Variants in UPF3B observed in about 807,000 individuals in gnomAD.
UPF3B encodes the protein UPF3B regulator of nonsense mediated mRNA decay.
Under a neutral mutation model 40.3 loss-of-function variants are expected in UPF3B, and 7 were observed. The ratio of observed to expected loss-of-function variants is 0.17; its 90% confidence interval spans 0.10 to 0.33. The LOEUF (loss-of-function observed/expected upper bound fraction) is 0.33. Ranked by LOEUF, UPF3B falls within the 10% of genes least tolerant of loss-of-function variation. UPF3B has a pLI of 1.00. For missense variants in UPF3B, 229 were observed against 358.9 expected, an observed-to-expected ratio of 0.64 and a Z score of 2.93; for synonymous variants, 117 against 117.3, an observed-to-expected ratio of 1.00 and a Z score of 0.01.
intron 5 of UPF3B, among the ~76,000 whole-genome samples, chrX:119,842,442 G>C (rs773929596): frequency 2.7e-5 from 3 of 109,719 alleles, no homozygotes; most frequent in African/African-American, 6.6e-5. Context: ...AATTGGCCGG[G>C]CGTGGTGGCG....
intron 5 of UPF3B, among the ~76,000 whole-genome samples, chrX:119,810,435 G>A (rs754799516): frequency 1.8e-5 from 2 of 112,187 alleles, no homozygotes; most frequent in East Asian, 2.8e-4. Context: ...AAGTACAATC[G>A]AAGTAATGGC....
rs1357741117 is a variant in UPF3B at position 119,805,589 on chromosome X, C to T, written c.*12-154G>A. ...GAGAAAATTTTCGCAACCTACTCATCTGACGAAGGGCTAATATCCAGAATC... is the reference window on the plus strand; with the variant it reads ...GAGAAAATTTTCGCAACCTACTCATTTGACGAAGGGCTAATATCCAGAATC... On this transcript the variant is annotated intron_variant, in intron 6 of 6. Coordinates refer to the UPF3B transcript ENST00000636792. Among the ~76,000 whole-genome samples the T allele has an allele frequency of 3.6e-5, 4 of 111,998 alleles. No homozygotes were observed. The East Asian group carries it at 1.1e-3, about 31-fold the overall frequency.
In UPF3B at chrX:119,807,870, C is replaced by T. The variant is rs192955403; in HGVS notation, c.603-289G>A. ...GTGCAAGTGGCACAATTGCAGCTCA[C>T]TGCAGCCTCGACATTCCAGACTCAA... On this transcript the variant is annotated intron_variant, in intron 5 of 6. Coordinates refer to the UPF3B transcript ENST00000636792. Among the ~76,000 whole-genome samples, 225 of 111,743 alleles carry T rather than the reference C, an allele frequency of 2.0e-3. 3 individuals carry two copies. The highest frequency in any genetic ancestry group is 6.7e-3 in the African/African-American group (207 of 30,817).
chrX:119,821,275 A>C (rs2055915975), intron 4 of UPF3B, among the ~76,000 whole-genome samples: 2 of 112,223 alleles, frequency 1.8e-5, no homozygotes, highest in South Asian at 7.3e-4. Flanking sequence ...CCATGCTTGT[A>C]CAGCCTGCAG....
Position 119,820,626 on chromosome X carries a change from A to ATTTTTTT in UPF3B, c.494+2309_494+2315dup, listed in dbSNP as rs370271993. ...AGGTGCGCTCCACCAAGCCTGGCCAATTTTTTTTTTTTTGTATTTTTTGGT... is the reference window on the plus strand; with the variant it reads ...AGGTGCGCTCCACCAAGCCTGGCCAATTTTTTTTTTTTTTTTTTTTGTATTTTTTGGT... On this transcript the variant is annotated intron_variant, in intron 4 of 6. Transcript: ENST00000636792. 5.6e-3 allele frequency among the ~76,000 whole-genome samples: 508 copies of ATTTTTTT among 90,142 alleles called. 7 individuals carry two copies. The highest frequency in any genetic ancestry group is 0.02 in the African/African-American group (474 of 23,226). The allele number at this position is 90,142 out of a possible 115,157, so 78.3% of individuals were successfully genotyped here. A position where few individuals can be genotyped will look rare whatever the true frequency, so the allele number is the denominator to read the frequency against.
At chrX:119,843,109 A>G in intron 5 of UPF3B, 82 bp downstream of exon 5, 1 of 670,464 alleles carries the variant, frequency 1.5e-6, no homozygotes, top group Non-Finnish European at 2.5e-6. Flanking sequence ...CCCTGAAGTC[A>G]CACAGCTAGC....
chrX:119,824,286 T>C (rs2055956254), intron 3 of UPF3B, among the ~76,000 whole-genome samples: 1 of 98,138 alleles, frequency 1.0e-5, no homozygotes, highest in Admixed American at 1.1e-4. Flanking sequence ...TTGCCAATAT[T>C]GAACCATGAG....
intron 8 of UPF3B, among the ~76,000 whole-genome samples, chrX:119,838,988 G>A (rs1357704053): frequency 9.0e-6 from 1 of 111,231 alleles, no homozygotes; most frequent in Non-Finnish European, 1.9e-5. Flanking sequence ...TGTCACCCAG[G>A]CTGTTCTCAA....
At chrX:119,812,339 G>A (rs1010605686) in intron 5 of UPF3B, among the ~76,000 whole-genome samples, 1 of 111,833 alleles carries the variant, frequency 8.9e-6, no homozygotes, top group Admixed American at 9.6e-5. Context: ...TCAGGAGAAT[G>A]TGAAGGAGGC....
chrX:119,841,854 C>T, intron 5 of UPF3B, 76 bp from the exon 6 acceptor site: 1 of 888,851 alleles, frequency 1.1e-6, no homozygotes, highest in Non-Finnish European at 1.6e-6. Flanking sequence ...CATTCCCTGC[C>T]AACCACCCAA....
Position 119,834,427 on chromosome X carries a change from T to C in UPF3B, c.*451A>G, listed in dbSNP as rs970165573. The C allele has an allele frequency of 7.4e-6, 6 of 811,813 alleles. No homozygotes were observed. Among genetic ancestry groups the C allele is most frequent in the Non-Finnish European group, 8.9e-6 (6 of 676,854 alleles). 66.9% of individuals were successfully genotyped at this position (811,813 alleles called of 1,213,427 possible). A position where few individuals can be genotyped will look rare whatever the true frequency, so the allele number is the denominator to read the frequency against. On this transcript the variant is annotated 3_prime_UTR_variant, in exon 11 of 11. Coordinates refer to ENST00000276201, the MANE Select transcript of UPF3B (RefSeq NM_080632.3). Reference sequence around the variant, plus strand: ...TGCTTGTTGCTTCTACACTACCCAATGTCAACACTTATCATCAACAATACA... The same window carrying C: ...TGCTTGTTGCTTCTACACTACCCAACGTCAACACTTATCATCAACAATACA...
chrX:119,826,429 T>A (rs1051435836), intron 3 of UPF3B, among the ~76,000 whole-genome samples: 4 of 107,117 alleles, frequency 3.7e-5, no homozygotes, highest in Non-Finnish European at 1.9e-5. Context: ...TTGCAGTGAG[T>A]CGAGATTGCC....
At chrX:119,846,824 A>G (rs1370696819) in intron 3 of UPF3B, among the ~76,000 whole-genome samples, 1 of 112,374 alleles carries the variant, frequency 8.9e-6, no homozygotes, top group Non-Finnish European at 1.9e-5. Flanking sequence ...GACACAATCA[A>G]CAGAGTGAAA....
intron 3 of UPF3B, among the ~76,000 whole-genome samples, chrX:119,849,503 A>AAGAG (rs76336209): frequency 7.9e-5 from 8 of 101,338 alleles, no homozygotes; most frequent in East Asian, 3.2e-4. Context: ...CAAAAAAAAA[A>AAGAG]AGAGAGAGAG....
Position 119,841,718 on chromosome X carries a change from A to C in UPF3B, c.624+17T>G. 3 of 1,198,651 alleles carry C rather than the reference A, an allele frequency of 2.5e-6. No homozygotes were observed. Among genetic ancestry groups the C allele is most frequent in the Non-Finnish European group, 3.4e-6 (3 of 883,807 alleles). ...GAAATTAAAGTATTGAGAGAACTATAAAGACAAAAGATTTACCTGCTTGTT... is the reference window on the plus strand; with the variant it reads ...GAAATTAAAGTATTGAGAGAACTATCAAGACAAAAGATTTACCTGCTTGTT... On this transcript the variant is annotated intron_variant, in intron 6 of 10. Coordinates refer to ENST00000276201, the MANE Select transcript of UPF3B (RefSeq NM_080632.3).
chrX:119,852,876 G>A lies in UPF3B; in HGVS notation c.53C>T (p.Thr18Ile), dbSNP rs201833722. ...ACCGCTGCCTGTGGCCCCGGCGGGG[G>A]TTAACAGGGTTACTCGCTTCTCCTT... ...RPKEKRVTLLTPAGATGSGGG... is the reference protein window; with the variant it reads ...RPKEKRVTLLIPAGATGSGGG... Residue 18 changes from threonine to isoleucine, a missense_variant, in exon 1 of 11, where the codon ACC becomes ATC. By Grantham distance (89) the Thr-to-Ile change is moderately conservative. Around this residue, in one of 3 missense-constraint regions of UPF3B, gnomAD observed 23 missense variants for 21.0 expected, o/e 1.10. Transcript: ENST00000276201. 3.7e-5 allele frequency: 45 copies of A among 1,211,124 alleles called. No individual in the cohort carries two copies. Among genetic ancestry groups the A allele is most frequent in the Non-Finnish European group, 4.4e-5 (39 of 895,450 alleles).
At chrX:119,815,739 G>A (rs2055859636) in intron 4 of UPF3B, among the ~76,000 whole-genome samples, 1 of 111,614 alleles carries the variant, frequency 9.0e-6, no homozygotes, top group African/African-American at 3.3e-5. Context: ...GGCTGGCTTT[G>A]AACTCCTGAA....
chrX:119,833,993 A>C, downstream of UPF3B: 1 of 746,367 alleles, frequency 1.3e-6, no homozygotes. Context: ...ACTCATAGCT[A>C]TTTAGTAAAG....
At chrX:119,831,327 G>GT (rs375364674), downstream of UPF3B, among the ~76,000 whole-genome samples, 720 of 99,455 alleles carry the variant, frequency 7.2e-3, 2 homozygotes, top group Middle Eastern at 0.02. Context: ...TCCTTTTTTT[G>GT]TTTTTTTTTT....
Sources: gnomAD v4.1 joint callset for allele counts (sites outside exome capture counted in the v4.1 genomes callset) on GRCh38, gnomAD v4.1.1 for gene constraint, gnomAD v4.1.1 regional missense constraint, MANE v1.5 for transcripts, NCBI Gene and HGNC (gene_info 2026-07-23, HGNC 2026-07-21) for gene names.